ATP9A: variants seen among roughly 807,000 people sequenced by gnomAD.
ATP9A encodes probable phospholipid-transporting ATPase IIA.
In ATP9A, 52 loss-of-function variants were observed where a neutral mutation model predicts 144.1. The ratio of observed to expected loss-of-function variants is 0.36; its 90% CI spans 0.29 to 0.45. The LOEUF is 0.45. ATP9A is among the 20% of genes least tolerant of loss of function. The probability of loss-of-function intolerance (pLI) is 1.00; values close to 1 mark genes in which losing one functional copy is unlikely to be tolerated. For missense variants in ATP9A, 947 were observed against 1,392.7 expected (o/e 0.68, Z 5.09); for synonymous variants, 582 against 557.4 (o/e 1.04, Z -0.62).
At chr20:51,613,125 T>C (rs955416463) in intron 23 of ATP9A, among the ~76,000 whole-genome samples, 1 of 152,180 alleles carries the variant, frequency 6.6e-6, no homozygotes, top group Non-Finnish European at 1.5e-5. Flanking sequence ...GTGAGGCTTA[T>C]GTGAGACACT....
intron 1 of ATP9A, among the ~76,000 whole-genome samples, chr20:51,758,701 C>T (rs147267238): frequency 1.4e-3 from 219 of 152,166 alleles, no homozygotes; most frequent in African/African-American, 5.0e-3. Context: ...CCAAGGCGGG[C>T]GGATCATGAG....
chr20:51,698,390 G>A (rs1021699220), intron 4 of ATP9A, among the ~76,000 whole-genome samples: 2 of 152,190 alleles, frequency 1.3e-5, no homozygotes, highest in Non-Finnish European at 2.9e-5. Context: ...GGATGTGGTG[G>A]CACATGCCTA....
At chr20:51,745,146 A>G (rs1007792505) in intron 1 of ATP9A, among the ~76,000 whole-genome samples, 3 of 152,028 alleles carry the variant, frequency 2.0e-5, no homozygotes, top group African/African-American at 7.2e-5. Context: ...GTGTGGCTGT[A>G]GTCCCAGCTA....
At chr20:51,638,695 T>C (rs1228355269) in intron 15 of ATP9A, among the ~76,000 whole-genome samples, 1 of 152,064 alleles carries the variant, frequency 6.6e-6, no homozygotes, top group African/African-American at 2.4e-5. Flanking sequence ...AAACCCTGTA[T>C]CTATAAAAAA....
At chr20:51,630,883 G>A (rs1487735869) in intron 15 of ATP9A, among the ~76,000 whole-genome samples, 2 of 152,074 alleles carry the variant, frequency 1.3e-5, no homozygotes, top group Non-Finnish European at 2.9e-5. Flanking sequence ...TCTCCTGGAA[G>A]GTGCCCGTAA....
chr20:51,680,024 G>A (rs2077493399), intron 9 of ATP9A, among the ~76,000 whole-genome samples: 2 of 152,022 alleles, frequency 1.3e-5, no homozygotes, highest in South Asian at 4.1e-4. Context: ...GAGGTCAGAA[G>A]TTCGAGACCA....
chr20:51,666,187 A>G (rs567245970), intron 13 of ATP9A, among the ~76,000 whole-genome samples: 71 of 151,974 alleles, frequency 4.7e-4, no homozygotes, highest in African/African-American at 1.4e-3. Flanking sequence ...CATCTTGCAA[A>G]CTCTTCCTTG....
intron 13 of ATP9A, among the ~76,000 whole-genome samples, chr20:51,659,524 C>G (rs1439566639): frequency 6.6e-6 from 1 of 152,018 alleles, no homozygotes; most frequent in Non-Finnish European, 1.5e-5. Context: ...GATTTTAAAT[C>G]ACAGATTTAG....
At chr20:51,687,132 T>C (rs1044564964) in intron 9 of ATP9A, among the ~76,000 whole-genome samples, 2 of 152,070 alleles carry the variant, frequency 1.3e-5, no homozygotes, top group Non-Finnish European at 2.9e-5. Context: ...TCAGGTGACA[T>C]GGGTGGAAAG....
rs1214870822 is a variant in ATP9A at position 51,767,195 on chromosome 20, G to A, written c.68+1107C>T. 2.6e-5 allele frequency among the ~76,000 whole-genome samples: 4 copies of A among 151,568 alleles called. No homozygotes were observed. The East Asian group carries it at 5.9e-4, about 22-fold the overall frequency. ...CAATAAGCGGCCGCCACCGGGAAAT[G>A]CCCAGAGAGGACCAGACGCCCGAGG... On this transcript the variant is annotated intron_variant, in intron 1 of 27. Coordinates refer to ENST00000338821, the MANE Select transcript of ATP9A (RefSeq NM_006045.3).
At chr20:51,735,595 C>T (rs1383318198) in intron 1 of ATP9A, among the ~76,000 whole-genome samples, 2 of 152,202 alleles carry the variant, frequency 1.3e-5, no homozygotes, top group Admixed American at 1.3e-4. Flanking sequence ...CCTTCTCCTT[C>T]CTCACAATCT....
rs149378622 is a variant in ATP9A, at chr20:51,649,689, C to T, written c.1506+7249G>A. On this transcript the variant is annotated intron_variant, in intron 14 of 27. Transcript: ENST00000338821. Reference sequence around the variant, plus strand: ...CAGCACTGTGGGAGGCCAAGGCGGGCAGATCACTTGAGGTCAGGAGCTCGA... The same window carrying T: ...CAGCACTGTGGGAGGCCAAGGCGGGTAGATCACTTGAGGTCAGGAGCTCGA... Among the ~76,000 whole-genome samples the T allele has an allele frequency of 1.0e-2, 1,514 of 152,130 alleles. 28 individuals are homozygous for T. The highest frequency in any genetic ancestry group is 0.035 in the African/African-American group (1,443 of 41,494).
chr20:51,607,490 G>A, intron 26 of ATP9A, 37 bp downstream of exon 26: 10 of 1,554,454 alleles, frequency 6.4e-6, no homozygotes, highest in Non-Finnish European at 8.9e-6. Context: ...GTCAGTACCA[G>A]AGCACAAGAC....
chr20:51,689,542 A>T (rs984049315), intron 8 of ATP9A, among the ~76,000 whole-genome samples: 6 of 146,974 alleles, frequency 4.1e-5, no homozygotes, highest in Non-Finnish European at 7.5e-5. Context: ...TCCTAAAATA[A>T]TTTTTTTTTT....
At chr20:51,646,113 A>T (rs2077341327) in intron 14 of ATP9A, among the ~76,000 whole-genome samples, 1 of 152,224 alleles carries the variant, frequency 6.6e-6, no homozygotes. Context: ...CAAGAAACCA[A>T]AGGGGCAGAG....
At chr20:51,701,469 A>G (rs185273871) in intron 4 of ATP9A, among the ~76,000 whole-genome samples, 1 of 152,304 alleles carries the variant, frequency 6.6e-6, no homozygotes, top group African/African-American at 2.4e-5. Flanking sequence ...TCTGCAAGTG[A>G]GTGCTGATTT....
chr20:51,608,447 CAGGG>C, intron 25 of ATP9A, 67 bp downstream of exon 25: 2 of 970,472 alleles, frequency 2.1e-6, no homozygotes, highest in Non-Finnish European at 1.7e-6. Context: ...AGAAAAAAAG[CAGGG>C]AGGGAGGGAA....
intron 1 of ATP9A, among the ~76,000 whole-genome samples, chr20:51,750,315 T>G (rs1375356987): frequency 6.6e-6 from 1 of 152,136 alleles, no homozygotes; most frequent in African/African-American, 2.4e-5. Context: ...GCTCCGTCAC[T>G]AAGCGTGGGC....
At chr20:51,666,678 T>TCAA (rs1568811077) in intron 13 of ATP9A, among the ~76,000 whole-genome samples, 6 of 84,650 alleles carry the variant, frequency 7.1e-5, no homozygotes, top group African/African-American at 2.9e-4. Flanking sequence ...AGACTGTGTC[T>TCAA]TAAAAAAAAA....
Sources: allele counts gnomAD v4.1 joint callset (sites outside exome capture counted in the v4.1 genomes callset), GRCh38; gene constraint gnomAD v4.1.1; transcripts MANE v1.5; gene names NCBI Gene and HGNC (gene_info 2026-07-23, HGNC 2026-07-21).